SKAP1: variants seen among roughly 807,000 people sequenced by gnomAD.
The protein encoded by SKAP1 is src kinase associated phosphoprotein 1.
SKAP1 carries 44 observed loss-of-function variants against 58.5 expected under a neutral mutation model. That is an observed-to-expected ratio of 0.75 (90% CI 0.59 to 0.97). SKAP1 has a LOEUF of 0.97. SKAP1 is among the 50% of genes least tolerant of loss of function. The probability of loss-of-function intolerance (pLI) is 0.00; values close to 1 mark genes in which losing one functional copy is unlikely to be tolerated. For missense variants in SKAP1, 390 were observed against 435.2 expected (o/e 0.90, Z 0.92); for synonymous variants, 127 against 149.7 (o/e 0.85, Z 1.11).
chr17:48,218,836 C>T (rs1225447149), intron 4 of SKAP1, among the ~76,000 whole-genome samples: 4 of 152,056 alleles, frequency 2.6e-5, no homozygotes, highest in African/African-American at 9.7e-5. Context: ...GCTTGAAATA[C>T]TGCACCTTGT....
chr17:48,297,592 C>G (rs1046294229), intron 4 of SKAP1, among the ~76,000 whole-genome samples: 6 of 152,114 alleles, frequency 3.9e-5, no homozygotes. Flanking sequence ...AGTAGAGTCT[C>G]ATCAATGATT....
At chr17:48,443,623 G>A in the SKAP1 span, among the ~76,000 whole-genome samples, 67 of 152,098 alleles carry the variant, frequency 4.4e-4, 2 homozygotes, top group East Asian at 0.012. Context: ...TTACAGGTGC[G>A]TGCCACCACA....
At chr17:48,322,898 C>T (rs1234692532) in intron 4 of SKAP1, among the ~76,000 whole-genome samples, 1 of 152,144 alleles carries the variant, frequency 6.6e-6, no homozygotes, top group African/African-American at 2.4e-5. Flanking sequence ...GAGTTTGAGA[C>T]CAGCCTGGCC....
At chr17:48,193,418 G>GA (rs1468785354) in intron 4 of SKAP1, among the ~76,000 whole-genome samples, 2 of 152,056 alleles carry the variant, frequency 1.3e-5, no homozygotes, top group Non-Finnish European at 2.9e-5. Context: ...TGGGCAGTGG[G>GA]AAAAAATGGG....
intron 3 of SKAP1, among the ~76,000 whole-genome samples, chr17:48,352,223 A>G (rs557781903): frequency 6.6e-6 from 1 of 152,262 alleles, no homozygotes; most frequent in Non-Finnish European, 1.5e-5. Flanking sequence ...CAACAAATAT[A>G]AACCAGATAA....
intron 9 of SKAP1, among the ~76,000 whole-genome samples, chr17:48,176,022 T>C (rs565563560): frequency 2.6e-5 from 4 of 152,308 alleles, no homozygotes; most frequent in South Asian, 2.1e-4. Flanking sequence ...ATCTTCACTG[T>C]TCCCCCTTCC....
intron 1 of SKAP1, among the ~76,000 whole-genome samples, chr17:48,426,998 C>T (rs1348504528): frequency 6.6e-6 from 1 of 152,084 alleles, no homozygotes; most frequent in Non-Finnish European, 1.5e-5. Flanking sequence ...AATACCCTTA[C>T]TGTTTATTTT....
Position 48,405,437 on chromosome 17 carries a change from C to CT in SKAP1, c.47-8653dup, listed in dbSNP as rs1303990530. 1.0e-4 allele frequency among the ~76,000 whole-genome samples: 8 copies of CT among 80,156 alleles called. 1 individual carries two copies. The South Asian group carries it at 3.0e-3, about 30-fold the overall frequency. 52.6% of individuals were successfully genotyped at this position (80,156 alleles called of 152,430 possible). A position where few individuals can be genotyped will look rare whatever the true frequency, so the allele number is the denominator to read the frequency against. On this transcript the variant is annotated intron_variant, in intron 1 of 12. Coordinates refer to ENST00000336915, the MANE Select transcript of SKAP1 (RefSeq NM_003726.4). ...TCTTTCTTTCTTTCTTTCTTTCTTT[C>CT]TTTCTTTCTTTCTTTTCTTTCTTTC...
intron 4 of SKAP1, among the ~76,000 whole-genome samples, chr17:48,240,597 A>G (rs1291975964): frequency 6.6e-6 from 1 of 152,188 alleles, no homozygotes; most frequent in East Asian, 1.9e-4. Flanking sequence ...CAAAAACCTG[A>G]GGTTGTATGA....
At chr17:48,240,564 A>C (rs1046212271) in intron 4 of SKAP1, among the ~76,000 whole-genome samples, 1 of 152,240 alleles carries the variant, frequency 6.6e-6, no homozygotes, top group African/African-American at 2.4e-5. Context: ...TATTCAGACA[A>C]GGGATTTAAA....
chr17:48,392,878 T>TATA (rs377063672), intron 2 of SKAP1, among the ~76,000 whole-genome samples: 9 of 124,440 alleles, frequency 7.2e-5, no homozygotes, highest in African/African-American at 1.5e-4. Context: ...TATATATATA[T>TATA]TTTTTTTTTC....
intron 4 of SKAP1, among the ~76,000 whole-genome samples, chr17:48,242,747 A>T (rs2143831398): frequency 6.6e-6 from 1 of 152,350 alleles, no homozygotes; most frequent in East Asian, 1.9e-4. Flanking sequence ...TAGGAAGGCC[A>T]TTTGATAACC....
intron 4 of SKAP1, among the ~76,000 whole-genome samples, chr17:48,216,866 C>A (rs1200271826): frequency 6.6e-6 from 1 of 152,064 alleles, no homozygotes; most frequent in East Asian, 1.9e-4. Flanking sequence ...CTTTCATGGA[C>A]AGATTGGCAA....
In SKAP1 at chr17:48,396,755, C is replaced by T. The variant is rs201863491; in HGVS notation, c.77G>A (p.Arg26Gln). Reference protein sequence around the residue: ...DAEEFLAEGLRNENLSAVARD... With the variant: ...DAEEFLAEGLQNENLSAVARD... ...TGCAACAGCGCTGAGGTTCTCATTC[C>T]GCAAACCTTCTGCCAGAAACTCTTC... Residue 26 changes from arginine to glutamine, a missense_variant, in exon 2 of 13, where the codon CGG (arginine) becomes CAG (glutamine). Coordinates refer to ENST00000336915, the MANE Select transcript of SKAP1 (RefSeq NM_003726.4). 3.8e-5 allele frequency: 62 copies of T among 1,613,168 alleles called. No individual in the cohort carries two copies. Among genetic ancestry groups the T allele is most frequent in the African/African-American group, 2.7e-4 (20 of 74,958 alleles).
chr17:48,169,703 G>A (rs1393049910), intron 10 of SKAP1, among the ~76,000 whole-genome samples: 3 of 152,118 alleles, frequency 2.0e-5, no homozygotes, highest in Non-Finnish European at 2.9e-5. Flanking sequence ...CTAGAAATGG[G>A]GGTTTTGCTG....
At chr17:48,325,248 C>CAAAAAAAA (rs200281665) in intron 4 of SKAP1, among the ~76,000 whole-genome samples, 1 of 91,460 alleles carries the variant, frequency 1.1e-5, no homozygotes, top group African/African-American at 4.3e-5. Context: ...GACTCCGTCT[C>CAAAAAAAA]AAAAAAAAAA....
the SKAP1 span, among the ~76,000 whole-genome samples, chr17:48,443,379 A>G: frequency 6.6e-6 from 1 of 152,168 alleles, no homozygotes; most frequent in Non-Finnish European, 1.5e-5. Flanking sequence ...CTTATTTCCT[A>G]ATGTATTCCC....
chr17:48,404,540 GA>G (rs1449050869), intron 1 of SKAP1, among the ~76,000 whole-genome samples: 1 of 151,968 alleles, frequency 6.6e-6, no homozygotes, highest in Non-Finnish European at 1.5e-5. Flanking sequence ...GAATAGAGAG[GA>G]AAATATATAC....
chr17:48,185,495 T>G (rs1426804988), intron 6 of SKAP1, among the ~76,000 whole-genome samples: 1 of 152,140 alleles, frequency 6.6e-6, no homozygotes, highest in Non-Finnish European at 1.5e-5. Context: ...AGAGAGACTA[T>G]TCTGCTTGTC....
Sources: allele counts gnomAD v4.1 joint callset (sites outside exome capture counted in the v4.1 genomes callset), GRCh38; gene constraint gnomAD v4.1.1; transcripts MANE v1.5; gene names NCBI Gene and HGNC (gene_info 2026-07-23, HGNC 2026-07-21).